Variants in CTNND2 observed in about 807,000 individuals in gnomAD.
CTNND2 encodes catenin delta 2.
In CTNND2, 22 loss-of-function variants were observed where a neutral mutation model predicts 144.4. The observed-to-expected ratio is 0.15, with a 90% CI of 0.11 to 0.22. The LOEUF (loss-of-function observed/expected upper bound fraction) is 0.22, where lower values mean the gene tolerates loss of function less well. Among genes scored for constraint, CTNND2 ranks in the 10% least tolerant of loss-of-function variants. The pLI is 1.00. For missense variants in CTNND2, 1,353 were observed against 1,618.8 expected (o/e 0.84, Z 2.82); for synonymous variants, 751 against 695.6 (o/e 1.08, Z -1.25).
At chr5:11,756,223 A>G (rs1468602485) in intron 1 of CTNND2, among the ~76,000 whole-genome samples, 1 of 151,690 alleles carries the variant, frequency 6.6e-6, no homozygotes, top group Admixed American at 6.6e-5. Context: ...CAAGTGGCTG[A>G]TTCAAGAATA....
At chr5:11,806,457 G>T (rs1792005679) in intron 1 of CTNND2, among the ~76,000 whole-genome samples, 3 of 152,158 alleles carry the variant, frequency 2.0e-5, no homozygotes, top group Admixed American at 2.0e-4. Context: ...AAAGTGATCA[G>T]AGATGTCATA....
At chr5:11,037,319 C>A (rs1744192116) in intron 16 of CTNND2, among the ~76,000 whole-genome samples, 1 of 152,174 alleles carries the variant, frequency 6.6e-6, no homozygotes, top group African/African-American at 2.4e-5. Flanking sequence ...GTCACACGAT[C>A]CTAAATACCC....
At chr5:11,803,743 G>T (rs1791829169) in intron 1 of CTNND2, among the ~76,000 whole-genome samples, 1 of 152,138 alleles carries the variant, frequency 6.6e-6, no homozygotes, top group African/African-American at 2.4e-5. Flanking sequence ...GTTTCAAAGG[G>T]AGATCCTACG....
intron 12 of CTNND2, among the ~76,000 whole-genome samples, chr5:11,151,633 T>G (rs1757767102): frequency 1.3e-5 from 2 of 152,202 alleles, no homozygotes; most frequent in Admixed American, 1.3e-4. Flanking sequence ...AAGCCCATAT[T>G]TGCAACCAAA....
At chr5:11,376,080 G>A (rs547420405) in intron 7 of CTNND2, among the ~76,000 whole-genome samples, 1 of 152,144 alleles carries the variant, frequency 6.6e-6, no homozygotes, top group East Asian at 1.9e-4. Context: ...AGGGGCCATC[G>A]ATGAGCCGAA....
At chr5:11,026,356 C>CCTTT (rs573578167) in intron 16 of CTNND2, among the ~76,000 whole-genome samples, 4 of 117,042 alleles carry the variant, frequency 3.4e-5, no homozygotes, top group Non-Finnish European at 6.8e-5. Flanking sequence ...CCTTCTTCTT[C>CCTTT]TTTTTTTTTT....
At chr5:11,839,579 G>A (rs1794347453) in intron 1 of CTNND2, among the ~76,000 whole-genome samples, 1 of 152,144 alleles carries the variant, frequency 6.6e-6, no homozygotes, top group Non-Finnish European at 1.5e-5. Flanking sequence ...CAGCCCACAT[G>A]TTTGATGCCT....
chr5:11,124,964 T>C (rs1754528311), intron 12 of CTNND2, among the ~76,000 whole-genome samples: 1 of 152,062 alleles, frequency 6.6e-6, no homozygotes, highest in African/African-American at 2.4e-5. Context: ...AAATCTAGAG[T>C]CTGGGTTTCA....
intron 9 of CTNND2, among the ~76,000 whole-genome samples, chr5:11,309,784 T>C (rs891501758): frequency 1.3e-5 from 2 of 152,182 alleles, no homozygotes; most frequent in South Asian, 2.1e-4. Context: ...CAAATTGTAA[T>C]TCACAGTGTT....
intron 9 of CTNND2, among the ~76,000 whole-genome samples, chr5:11,298,925 G>A (rs534293901): frequency 2.6e-5 from 4 of 152,174 alleles, no homozygotes; most frequent in Admixed American, 6.5e-5. Context: ...AGAACAATGC[G>A]TAATGATTGG....
chr5:11,383,885 G>T (rs148953706), intron 7 of CTNND2, among the ~76,000 whole-genome samples: 4 of 152,190 alleles, frequency 2.6e-5, no homozygotes. Context: ...ACAGCAGAGA[G>T]GCACCAGCGC....
intron 1 of CTNND2, among the ~76,000 whole-genome samples, chr5:11,896,707 C>T (rs188221690): frequency 1.3e-5 from 2 of 152,210 alleles, no homozygotes; most frequent in African/African-American, 2.4e-5. Context: ...GAAACCCTGA[C>T]ATAAACACTG....
chr5:11,345,404 G>A (rs1216876475), intron 9 of CTNND2, among the ~76,000 whole-genome samples: 2 of 152,174 alleles, frequency 1.3e-5, no homozygotes, highest in African/African-American at 4.8e-5. Context: ...TTGTGCTAAA[G>A]TAGCTATCTC....
chr5:11,366,632 A>G (rs1757004560), intron 7 of CTNND2, among the ~76,000 whole-genome samples: 1 of 152,052 alleles, frequency 6.6e-6, no homozygotes, highest in Non-Finnish European at 1.5e-5. Context: ...GTCAATTCTT[A>G]TTCCTGAAGG....
intron 10 of CTNND2, among the ~76,000 whole-genome samples, chr5:11,208,820 G>T (rs1018296818): frequency 1.3e-5 from 2 of 152,136 alleles, no homozygotes; most frequent in African/African-American, 2.4e-5. Context: ...CGGGTGGAAA[G>T]AACTAAACAA....
At chr5:11,017,853 T>C in intron 18 of CTNND2, 121 bp downstream of exon 18, 1 of 734,568 alleles carries the variant, frequency 1.4e-6, no homozygotes, top group Non-Finnish European at 2.4e-6. Context: ...TCTTCACTGA[T>C]TCTCGTTTCA....
intron 9 of CTNND2, among the ~76,000 whole-genome samples, chr5:11,272,527 TTTCCTTAC>T (rs1471019907): frequency 1.3e-5 from 2 of 152,212 alleles, no homozygotes; most frequent in Non-Finnish European, 2.9e-5. Flanking sequence ...AAACCCAATT[TTTCCTTAC>T]TATGGTTATT....
At chr5:10,982,208 A>G (rs921477075) in intron 20 of CTNND2, among the ~76,000 whole-genome samples, 5 of 152,256 alleles carry the variant, frequency 3.3e-5, no homozygotes, top group African/African-American at 1.2e-4. Flanking sequence ...AGGAGTCTGT[A>G]TCAGCAGCTT....
At chr5:11,370,999 G>A (rs544723455) in intron 7 of CTNND2, among the ~76,000 whole-genome samples, 25 of 152,276 alleles carry the variant, frequency 1.6e-4, no homozygotes, top group African/African-American at 5.3e-4. Flanking sequence ...AATTATTAAC[G>A]AAACTACAAC....
Sources: gnomAD v4.1 joint callset for allele counts (sites outside exome capture counted in the v4.1 genomes callset) on GRCh38, gnomAD v4.1.1 for gene constraint, MANE v1.5 for transcripts, NCBI Gene and HGNC (gene_info 2026-07-23, HGNC 2026-07-21) for gene names.